SYNCRIP: variants seen among roughly 807,000 people sequenced by gnomAD.
The protein encoded by SYNCRIP is heterogeneous nuclear ribonucleoprotein Q.
SYNCRIP carries 9 observed loss-of-function variants against 68.9 expected under a neutral mutation model. The observed-to-expected ratio is 0.13, with a 90% CI of 0.08 to 0.23. The LOEUF is 0.23. Ranked by LOEUF, SYNCRIP falls within the 10% of genes least tolerant of loss-of-function variation. The pLI is 1.00. For missense variants in SYNCRIP, 414 were observed against 770.6 expected (o/e 0.54, Z 5.48); for synonymous variants, 258 against 254.0 (o/e 1.02, Z -0.15).
intron 7 of SYNCRIP, among the ~76,000 whole-genome samples, chr6:85,623,337 G>A (rs1322043266): frequency 6.6e-6 from 1 of 151,948 alleles, no homozygotes. Flanking sequence ...GCCGAGGCAA[G>A]CAGATCACTT....
At chr6:85,636,249 A>G (rs903018669) in intron 6 of SYNCRIP, among the ~76,000 whole-genome samples, 1 of 152,180 alleles carries the variant, frequency 6.6e-6, no homozygotes, top group Admixed American at 6.5e-5. Flanking sequence ...GTTCGAGACC[A>G]GCCTGGCCAA....
chr6:85,639,362 T>G (rs944003486), intron 4 of SYNCRIP, among the ~76,000 whole-genome samples: 5 of 152,176 alleles, frequency 3.3e-5, no homozygotes, highest in Admixed American at 2.6e-4. Context: ...ACAACTATAC[T>G]CCACTTTTAT....
chr6:85,612,785 T>A (rs533998494), downstream of SYNCRIP: 1 of 1,327,962 alleles, frequency 7.5e-7, no homozygotes, highest in African/African-American at 1.5e-5. Context: ...TGCAATAGAA[T>A]ATGCTCCTAT....
intron 6 of SYNCRIP, among the ~76,000 whole-genome samples, chr6:85,633,077 CCT>C (rs942855955): frequency 6.6e-6 from 1 of 150,840 alleles, no homozygotes; most frequent in Admixed American, 6.6e-5. Flanking sequence ...ACGGTGAAAC[CCT>C]GTCTCTACTA....
intron 6 of SYNCRIP, among the ~76,000 whole-genome samples, chr6:85,634,811 G>C (rs1305820582): frequency 2.0e-5 from 3 of 152,160 alleles, no homozygotes; most frequent in African/African-American, 7.2e-5. Context: ...CAGGCAAGGT[G>C]GCTCATGCCA....
chr6:85,643,226 GGCTCGCACGCTCCCTCACTCCCTCCCTC>G (rs1418416493), upstream of SYNCRIP: 1 of 151,242 alleles, frequency 6.6e-6, no homozygotes, highest in Non-Finnish European at 1.5e-5. Context: ...TTCCCCTTCT[GGCTCGCACGCTCCCTCACTCCCTCCCTC>G]GCTCGCTCGC....
In SYNCRIP at chr6:85,640,221, C is replaced by G; in HGVS notation, c.375G>C (p.Lys125Asn). 1 of 1,607,402 alleles carries G rather than the reference C, an allele frequency of 6.2e-7. No homozygotes were observed. The highest frequency in any genetic ancestry group is 8.5e-7 in the Non-Finnish European group (1 of 1,174,762). ...SSKGPDEAKI[K>N]ALLERTGYTL... ...CTAAAGGGAGTATAGAAAGACATACCTTAATTTTTGCCTCATCTGGTCCTT... is the reference window on the plus strand; with the variant it reads ...CTAAAGGGAGTATAGAAAGACATACGTTAATTTTTGCCTCATCTGGTCCTT... The change falls in exon 4 of 11, where the codon AAG becomes AAC. Residue 125 changes from lysine (K) to asparagine (N), a missense_variant and splice_region_variant. By Grantham distance (94) the Lys-to-Asn change is moderately conservative (BLOSUM62 0). This residue lies in a region of SYNCRIP where 110 missense variants were observed against 269.3 expected (regional missense o/e 0.41). Coordinates refer to ENST00000369622, the MANE Select transcript of SYNCRIP (RefSeq NM_006372.5).
chr6:85,615,987 C>A (rs1562075171), intron 10 of SYNCRIP, among the ~76,000 whole-genome samples: 1 of 152,174 alleles, frequency 6.6e-6, no homozygotes, highest in Non-Finnish European at 1.5e-5. Context: ...CCTGTTTCTA[C>A]AATAATGCTA....
chr6:85,616,586 G>C (rs776997976), intron 10 of SYNCRIP, among the ~76,000 whole-genome samples: 108 of 149,676 alleles, frequency 7.2e-4, no homozygotes, highest in Non-Finnish European at 1.4e-3. Context: ...GGCCTAGAGT[G>C]ATCTGCCCAC....
intron 7 of SYNCRIP, among the ~76,000 whole-genome samples, chr6:85,623,562 C>CAAAAAAAAAAAAAAAAAAAAA (rs67258131): frequency 2.1e-4 from 13 of 63,254 alleles, no homozygotes; most frequent in African/African-American, 8.2e-4. Context: ...AGACTGTCTC[C>CAAAAAAAAAAAAAAAAAAAAA]AAAAAAAAAA....
At chr6:85,635,338 G>C (rs1808314466) in intron 6 of SYNCRIP, among the ~76,000 whole-genome samples, 1 of 152,110 alleles carries the variant, frequency 6.6e-6, no homozygotes, top group Non-Finnish European at 1.5e-5. Context: ...AGAAAAATCA[G>C]ACATGATTTG....
chr6:85,640,209 AG>A lies in SYNCRIP; in HGVS notation c.375+11del, dbSNP rs1379595212. The A allele has an allele frequency of 2.0e-5, 31 of 1,584,646 alleles. No individual in the cohort carries two copies. Among genetic ancestry groups the A allele is most frequent in the Non-Finnish European group, 2.5e-5 (29 of 1,154,890 alleles). On this transcript the variant is annotated intron_variant, in intron 4 of 10. Transcript: ENST00000369622. ...ATGACTTTAAAACTAAAGGGAGTAT[AG>A]AAAGACATACCTTAATTTTTGCCTC...
intron 10 of SYNCRIP, among the ~76,000 whole-genome samples, chr6:85,617,849 C>A (rs904315010): frequency 6.6e-6 from 1 of 152,196 alleles, no homozygotes; most frequent in Non-Finnish European, 1.5e-5. Context: ...AGAACAATTA[C>A]CCCTCTTCTA....
intron 2 of SYNCRIP, 23 bp from the exon 3 acceptor site, chr6:85,640,587 G>A (rs1449071855): frequency 2.8e-6 from 4 of 1,440,084 alleles, no homozygotes; most frequent in Non-Finnish European, 3.8e-6. Context: ...AAAGTTATCA[G>A]CTTTTAATAT....
rs1311947853 is a variant in SYNCRIP at position 85,622,755 on chromosome 6, T to C, written c.803-68A>G. ...TAGCAAATACAAGTGGATCAAAGGA[T>C]TTATCTAAGATACTACTTAAATATC... is the stretch of plus-strand genomic sequence containing the variant. On this transcript the variant is annotated intron_variant, in intron 7 of 10. Coordinates refer to ENST00000369622, the MANE Select transcript of SYNCRIP (RefSeq NM_006372.5). The C allele has an allele frequency of 1.3e-5, 16 of 1,244,262 alleles. 1 individual carries two copies. The East Asian group carries it at 1.9e-4, about 14-fold the overall frequency. 77.1% of individuals were successfully genotyped at this position (1,244,262 alleles called of 1,614,324 possible). A position where few individuals can be genotyped will look rare whatever the true frequency, so the allele number is the denominator to read the frequency against.
chr6:85,618,494 G>C (rs1419218502), intron 10 of SYNCRIP, among the ~76,000 whole-genome samples: 1 of 152,022 alleles, frequency 6.6e-6, no homozygotes, highest in East Asian at 1.9e-4. Context: ...TGAGCCGAAA[G>C]AGTGCCACTG....
chr6:85,623,434 C>T (rs1350383295), intron 7 of SYNCRIP, among the ~76,000 whole-genome samples: 2 of 151,276 alleles, frequency 1.3e-5, no homozygotes, highest in African/African-American at 4.9e-5. Context: ...TGTGGTGGTG[C>T]GCGCCTGTAA....
chr6:85,629,674 T>C (rs1019131500), intron 6 of SYNCRIP, among the ~76,000 whole-genome samples: 7 of 151,668 alleles, frequency 4.6e-5, no homozygotes, highest in African/African-American at 1.7e-4. Flanking sequence ...ACACAAAAAT[T>C]AGCCAGGCGT....
downstream of SYNCRIP, chr6:85,612,606 C>T (rs1805331453): frequency 3.6e-6 from 1 of 275,082 alleles, no homozygotes; most frequent in Non-Finnish European, 6.8e-6. Context: ...TATTAAGATA[C>T]CATGCTAGGA....
Sources: allele counts gnomAD v4.1 joint callset (sites outside exome capture counted in the v4.1 genomes callset), GRCh38; gene constraint gnomAD v4.1.1; regional missense constraint gnomAD v4.1.1; transcripts MANE v1.5; gene names NCBI Gene and HGNC (gene_info 2026-07-23, HGNC 2026-07-21).